Variants in HIPK2 observed in about 807,000 individuals in gnomAD.
HIPK2 encodes the protein homeodomain-interacting protein kinase 2.
HIPK2 carries 27 observed loss-of-function variants against 113.7 expected under a neutral mutation model. That is an observed-to-expected ratio of 0.24 (90% CI 0.17 to 0.33). The LOEUF (loss-of-function observed/expected upper bound fraction) is 0.33, where lower values mean the gene tolerates loss of function less well. Ranked by LOEUF, HIPK2 falls within the 10% of genes least tolerant of loss-of-function variation. HIPK2 has a pLI of 1.00. For missense variants in HIPK2, 1,257 were observed against 1,588.0 expected (o/e 0.79, Z 3.54); for synonymous variants, 631 against 642.2 (o/e 0.98, Z 0.26).
rs1233560207 is a variant in HIPK2, at chr7:139,613,910, T to C, written c.1990+376A>G. Among the ~76,000 whole-genome samples the C allele has an allele frequency of 2.6e-5, 4 of 152,234 alleles. No individual in the cohort carries two copies. The highest frequency in any genetic ancestry group is 9.6e-5 in the African/African-American group (4 of 41,470). ...TCATGGGAGCTGGGACTATGTCGGCTGTCAGAGATTGGCAGTTTTCTACAG... is the reference window on the plus strand; with the variant it reads ...TCATGGGAGCTGGGACTATGTCGGCCGTCAGAGATTGGCAGTTTTCTACAG... On this transcript the variant is annotated intron_variant, in intron 8 of 14. Coordinates refer to ENST00000406875, the MANE Select transcript of HIPK2 (RefSeq NM_022740.5). The surrounding 1 kb of genome is among the most constrained non-coding windows in gnomAD (Gnocchi z 4.2).
At chr7:139,699,035 C>G (rs1794635149) in intron 2 of HIPK2, among the ~76,000 whole-genome samples, 2 of 151,992 alleles carry the variant, frequency 1.3e-5, no homozygotes, top group Non-Finnish European at 2.9e-5. Flanking sequence ...AAACGACGAC[C>G]CACGCAGAGC....
Position 139,642,370 on chromosome 7 carries a change from A to G in HIPK2, c.1104-10645T>C, listed in dbSNP as rs114844734. On this transcript the variant is annotated intron_variant, in intron 2 of 14. Coordinates refer to ENST00000406875, the MANE Select transcript of HIPK2 (RefSeq NM_022740.5). ...GGCAGAAATCTGAAGAGCAGGGAGG[A>G]GGAGGAGGCTATTTCAGAGGAATTG... Among the ~76,000 whole-genome samples the G allele has an allele frequency of 5.3e-3, 804 of 152,290 alleles. 10 individuals carry two copies. The highest frequency in any genetic ancestry group is 0.017 in the African/African-American group (722 of 41,560).
intron 12 of HIPK2, among the ~76,000 whole-genome samples, chr7:139,587,125 T>C (rs972491161): frequency 1.3e-5 from 2 of 152,172 alleles, no homozygotes; most frequent in African/African-American, 2.4e-5. Flanking sequence ...ATTAACAGAC[T>C]AAAACCACTG....
chr7:139,593,908 T>TG (rs944509069), intron 12 of HIPK2, among the ~76,000 whole-genome samples: 4 of 152,306 alleles, frequency 2.6e-5, no homozygotes, highest in African/African-American at 9.6e-5. Flanking sequence ...TGGCTGCACT[T>TG]GGGGGTGCAT....
At chr7:139,731,256 T>C (rs1795771719) in intron 1 of HIPK2, among the ~76,000 whole-genome samples, 2 of 152,254 alleles carry the variant, frequency 1.3e-5, no homozygotes, top group Admixed American at 1.3e-4. Context: ...CCTGTGTCTG[T>C]GGCCTCTTGG....
chr7:139,614,677 C>T (rs1370756164), intron 7 of HIPK2, among the ~76,000 whole-genome samples, 184 bp from the exon 8 acceptor site: 1 of 152,150 alleles, frequency 6.6e-6, no homozygotes, highest in South Asian at 2.1e-4. Flanking sequence ...CAGGGAAAAG[C>T]AGGTCCCTGA....
chr7:139,747,573 C>T (rs1406076855), intron 1 of HIPK2, among the ~76,000 whole-genome samples: 1 of 152,236 alleles, frequency 6.6e-6, no homozygotes, highest in African/African-American at 2.4e-5. Flanking sequence ...CAAAGCCTCA[C>T]ATTAAGCATC....
chr7:139,611,268 T>C (rs1799808111), intron 9 of HIPK2, among the ~76,000 whole-genome samples: 1 of 152,148 alleles, frequency 6.6e-6, no homozygotes, highest in African/African-American at 2.4e-5. Flanking sequence ...TTATATGCCA[T>C]TTTTCACCTA....
chr7:139,647,883 G>A (rs903975099), intron 2 of HIPK2, among the ~76,000 whole-genome samples: 6 of 152,248 alleles, frequency 3.9e-5, no homozygotes, highest in East Asian at 1.9e-4. Context: ...GGAAATCAGC[G>A]AGGGCCTGCC....
Position 139,693,579 on chromosome 7 carries a change from A to T in HIPK2, c.1103+22353T>A, listed in dbSNP as rs148894096. ...CAATTTTCTCATCCACTAAATGGGG[A>T]GTTGTCCCAAAGATTAAATGTAGGC... On this transcript the variant is annotated intron_variant, in intron 2 of 14. Transcript: ENST00000406875. Among the ~76,000 whole-genome samples the T allele has an allele frequency of 6.2e-4, 94 of 152,294 alleles. 1 individual carries two copies. The highest frequency in any genetic ancestry group is 2.2e-3 in the African/African-American group (91 of 41,572).
At chr7:139,661,375 C>T (rs997027910) in intron 2 of HIPK2, among the ~76,000 whole-genome samples, 3 of 152,148 alleles carry the variant, frequency 2.0e-5, no homozygotes, top group Non-Finnish European at 4.4e-5. Flanking sequence ...CTTAGAATGC[C>T]CTAAGTATGC....
chr7:139,773,616 A>G (rs1569486682), intron 1 of HIPK2, among the ~76,000 whole-genome samples: 1 of 152,250 alleles, frequency 6.6e-6, no homozygotes, highest in Non-Finnish European at 1.5e-5. Flanking sequence ...TATGGGAGGA[A>G]GGGAGAGAGA....
At chr7:139,726,566 T>C (rs1308993149) in intron 1 of HIPK2, among the ~76,000 whole-genome samples, 1 of 152,218 alleles carries the variant, frequency 6.6e-6, no homozygotes, top group Non-Finnish European at 1.5e-5. Context: ...AAATGTCCAG[T>C]GTTCAGCTAT....
At chr7:139,749,741 G>A (rs991883193) in intron 1 of HIPK2, among the ~76,000 whole-genome samples, 2 of 152,312 alleles carry the variant, frequency 1.3e-5, no homozygotes, top group Admixed American at 1.3e-4. Flanking sequence ...GAGGTCAGCA[G>A]GTGAAATAGT....
intron 12 of HIPK2, among the ~76,000 whole-genome samples, chr7:139,593,923 G>A (rs1799110885): frequency 6.6e-6 from 1 of 152,164 alleles, no homozygotes; most frequent in South Asian, 2.1e-4. Context: ...GTGCATCCTT[G>A]TTTTCCCAGG....
chr7:139,576,463 C>G (rs1475568590), intron 13 of HIPK2, among the ~76,000 whole-genome samples: 1 of 152,174 alleles, frequency 6.6e-6, no homozygotes, highest in Non-Finnish European at 1.5e-5. Flanking sequence ...CTCTGAGTAG[C>G]CAGGGGCTCT....
intron 2 of HIPK2, among the ~76,000 whole-genome samples, chr7:139,664,792 A>G (rs965246078): frequency 8.5e-5 from 13 of 152,122 alleles, no homozygotes; most frequent in African/African-American, 3.1e-4. Flanking sequence ...CCTTCTGTAT[A>G]TTAATTCAGC....
At chr7:139,725,352 C>A (rs1795542727) in intron 1 of HIPK2, among the ~76,000 whole-genome samples, 1 of 152,222 alleles carries the variant, frequency 6.6e-6, no homozygotes, top group South Asian at 2.1e-4. Context: ...CCAAATCCTG[C>A]AAACAGAGTG....
chr7:139,762,315 T>C lies in HIPK2; in HGVS notation c.19+15290A>G, dbSNP rs142683317. 9.1e-3 allele frequency among the ~76,000 whole-genome samples: 1,381 copies of C among 152,320 alleles called. 12 individuals carry two copies. Among genetic ancestry groups the C allele is most frequent in the Non-Finnish European group, 0.012 (844 of 68,010 alleles). On this transcript the variant is annotated intron_variant, in intron 1 of 14. Coordinates refer to ENST00000406875, the MANE Select transcript of HIPK2 (RefSeq NM_022740.5). ...ACAAAGTCTAAGAGAGATGAGGTGA[T>C]GGTTTGAGAGAAGAAACAAGAGCAA...
Sources: gnomAD v4.1 joint callset for allele counts (sites outside exome capture counted in the v4.1 genomes callset) on GRCh38, gnomAD v4.1.1 for gene constraint, Gnocchi (gnomAD v3.1) non-coding constraint, MANE v1.5 for transcripts, NCBI Gene and HGNC (gene_info 2026-07-23, HGNC 2026-07-21) for gene names.